Variants in LRP1B observed in about 807,000 individuals in gnomAD.
LRP1B encodes LDL receptor related protein 1B.
A neutral mutation model predicts 556.6 loss-of-function variants in LRP1B; 217 were observed. The ratio of observed to expected loss-of-function variants is 0.39; its 90% CI spans 0.35 to 0.44. The LOEUF (loss-of-function observed/expected upper bound fraction) is 0.44. Among genes scored for constraint, LRP1B ranks in the 20% least tolerant of loss-of-function variants. The pLI is 1.00. For synonymous variants in LRP1B, 2,047 were observed against 1,865.8 expected (o/e 1.10, Z -2.50); for missense variants, 5,053 against 5,620.8 (o/e 0.90, Z 3.23).
At chr2:141,331,834 A>G (rs898166535) in intron 3 of LRP1B, among the ~76,000 whole-genome samples, 3 of 152,148 alleles carry the variant, frequency 2.0e-5, no homozygotes, top group Non-Finnish European at 4.4e-5. Context: ...AAGTTTATGG[A>G]GAATTGTCTC....
chr2:140,501,988 G>T, intron 54 of LRP1B, 114 bp from the exon 55 acceptor site: 1 of 716,906 alleles, frequency 1.4e-6, no homozygotes, highest in Non-Finnish European at 2.1e-6. Flanking sequence ...CATAATATAA[G>T]TTTATATAAA....
chr2:141,291,281 T>C (rs546951463), intron 3 of LRP1B, among the ~76,000 whole-genome samples: 1 of 152,308 alleles, frequency 6.6e-6, no homozygotes, highest in South Asian at 2.1e-4. Flanking sequence ...TTGCTTTTAC[T>C]AATATTTTCA....
At chr2:141,086,404 T>A (rs1558850721) in intron 7 of LRP1B, among the ~76,000 whole-genome samples, 1 of 152,176 alleles carries the variant, frequency 6.6e-6, no homozygotes, top group Non-Finnish European at 1.5e-5. Context: ...ACTCAATGAG[T>A]CTCTTTCTAT....
chr2:141,509,295 A>T (rs1684038142), intron 2 of LRP1B, among the ~76,000 whole-genome samples: 2 of 152,230 alleles, frequency 1.3e-5, no homozygotes, highest in South Asian at 4.1e-4. Context: ...TTTATTTAAC[A>T]TTGGGGTTGG....
At chr2:140,657,566 C>CACATACAT (rs55732717) in intron 41 of LRP1B, among the ~76,000 whole-genome samples, 2 of 144,968 alleles carry the variant, frequency 1.4e-5, no homozygotes, top group African/African-American at 2.5e-5. Flanking sequence ...TATATATATA[C>CACATACAT]ACATACATAC....
At chr2:141,031,759 T>C (rs901544887) in intron 11 of LRP1B, among the ~76,000 whole-genome samples, 29 of 152,068 alleles carry the variant, frequency 1.9e-4, no homozygotes, top group African/African-American at 6.7e-4. Flanking sequence ...GATTCAAGTG[T>C]ATAAAGATTT....
chr2:140,723,026 G>T (rs1402427626), intron 35 of LRP1B, among the ~76,000 whole-genome samples: 1 of 152,216 alleles, frequency 6.6e-6, no homozygotes, highest in African/African-American at 2.4e-5. Flanking sequence ...CTGGGTGACA[G>T]AGCGAGACTC....
chr2:141,802,941 C>T (rs1398863401), intron 2 of LRP1B, among the ~76,000 whole-genome samples: 1 of 152,098 alleles, frequency 6.6e-6, no homozygotes, highest in Non-Finnish European at 1.5e-5. Context: ...GTTTACAGTA[C>T]ATCGTCTTTT....
At chr2:142,095,558 T>G (rs1252783473) in intron 1 of LRP1B, among the ~76,000 whole-genome samples, 1 of 151,732 alleles carries the variant, frequency 6.6e-6, no homozygotes, top group Non-Finnish European at 1.5e-5. Flanking sequence ...ACCAATGACT[T>G]AAATATTCTG....
intron 41 of LRP1B, among the ~76,000 whole-genome samples, chr2:140,666,403 T>A (rs1418209713): frequency 6.6e-6 from 1 of 151,928 alleles, no homozygotes; most frequent in South Asian, 2.1e-4. Context: ...GAGATGATTG[T>A]GAAGAAAATT....
chr2:141,540,905 G>A (rs757672692), intron 2 of LRP1B, among the ~76,000 whole-genome samples: 11 of 151,438 alleles, frequency 7.3e-5, no homozygotes, highest in East Asian at 1.9e-4. Context: ...TTTTTAGTTC[G>A]CACAAATAAA....
At chr2:141,547,837 T>TA (rs1455943025) in intron 2 of LRP1B, among the ~76,000 whole-genome samples, 1 of 151,790 alleles carries the variant, frequency 6.6e-6, no homozygotes, top group Non-Finnish European at 1.5e-5. Context: ...GATACAAAGA[T>TA]AAAAGGTGGG....
intron 1 of LRP1B, among the ~76,000 whole-genome samples, chr2:142,007,726 G>A (rs1243472490): frequency 6.6e-6 from 1 of 152,084 alleles, no homozygotes; most frequent in Non-Finnish European, 1.5e-5. Flanking sequence ...TCCAATTTTG[G>A]CAGCTTGTTA....
intron 2 of LRP1B, among the ~76,000 whole-genome samples, chr2:141,806,224 T>C (rs1455141526): frequency 1.3e-5 from 2 of 152,062 alleles, no homozygotes; most frequent in Non-Finnish European, 2.9e-5. Context: ...AAGACGTTCC[T>C]GCTACAGGTG....
At chr2:140,743,197 T>C (rs1688197431) in intron 35 of LRP1B, among the ~76,000 whole-genome samples, 1 of 152,202 alleles carries the variant, frequency 6.6e-6, no homozygotes, top group Non-Finnish European at 1.5e-5. Context: ...AACAAAGTGT[T>C]TCACTATATT....
intron 1 of LRP1B, among the ~76,000 whole-genome samples, chr2:142,094,474 G>A (rs1000284933): frequency 6.6e-6 from 1 of 151,982 alleles, no homozygotes; most frequent in Non-Finnish European, 1.5e-5. Context: ...TAGCTATAGC[G>A]AAGGGTTCTT....
At chr2:141,798,557 A>C (rs1286366013) in intron 2 of LRP1B, among the ~76,000 whole-genome samples, 1 of 151,812 alleles carries the variant, frequency 6.6e-6, no homozygotes, top group Admixed American at 6.6e-5. Context: ...AAATACAAAA[A>C]TTAGCTGGGC....
intron 2 of LRP1B, among the ~76,000 whole-genome samples, chr2:141,803,256 C>A (rs984986979): frequency 2.0e-5 from 3 of 151,060 alleles, no homozygotes; most frequent in Non-Finnish European, 4.4e-5. Flanking sequence ...TCTCAGAGAC[C>A]CATTAGTGCA....
chr2:141,574,221 G>A (rs1217051484), intron 2 of LRP1B, among the ~76,000 whole-genome samples: 1 of 151,926 alleles, frequency 6.6e-6, no homozygotes, highest in African/African-American at 2.4e-5. Context: ...CCGAATCCAG[G>A]AGCACATCAA....
Sources: allele counts gnomAD v4.1 joint callset (sites outside exome capture counted in the v4.1 genomes callset), GRCh38; gene constraint gnomAD v4.1.1; transcripts MANE v1.5; gene names NCBI Gene and HGNC (gene_info 2026-07-23, HGNC 2026-07-21).